RORA: variants seen among roughly 807,000 people sequenced by gnomAD.
The protein encoded by RORA is nuclear receptor ROR-alpha.
In RORA, 7 loss-of-function variants were observed where a neutral mutation model predicts 69.5. That is an observed-to-expected ratio of 0.10 (90% CI 0.06 to 0.19). The LOEUF is 0.19. Ranked by LOEUF, RORA falls within the 10% of genes least tolerant of loss-of-function variation. RORA has a pLI of 1.00. For missense variants in RORA, 457 were observed against 663.0 expected (o/e 0.69, Z 3.41); for synonymous variants, 261 against 240.8 (o/e 1.08, Z -0.78).
chr15:60,667,695 C>T (rs902446698), intron 2 of RORA, among the ~76,000 whole-genome samples: 4 of 152,128 alleles, frequency 2.6e-5, no homozygotes, highest in Admixed American at 6.5e-5. Flanking sequence ...TCATAGCTTG[C>T]GGCAGCTTTA....
At chr15:61,090,638 A>G (rs534356839) in intron 1 of RORA, among the ~76,000 whole-genome samples, 2 of 152,346 alleles carry the variant, frequency 1.3e-5, no homozygotes, top group Admixed American at 1.3e-4. Flanking sequence ...TTAAATCTCT[A>G]GCCCAGGGAG....
chr15:60,938,475 A>G (rs923796059), intron 1 of RORA, among the ~76,000 whole-genome samples: 2 of 152,242 alleles, frequency 1.3e-5, no homozygotes, highest in Non-Finnish European at 2.9e-5. Context: ...GATCTAGCTT[A>G]GAGGTCGTGT....
chr15:60,869,915 C>T (rs1445609405), intron 1 of RORA, among the ~76,000 whole-genome samples: 1 of 152,158 alleles, frequency 6.6e-6, no homozygotes, highest in Admixed American at 6.5e-5. Context: ...GACTAGGATA[C>T]ATTGCACCAC....
At chr15:60,859,655 CT>C (rs71122880) in intron 1 of RORA, among the ~76,000 whole-genome samples, 147 of 101,586 alleles carry the variant, frequency 1.4e-3, no homozygotes, top group East Asian at 9.4e-3. Context: ...TTCTTTCTTT[CT>C]TTTTTTTTTT....
intron 1 of RORA, among the ~76,000 whole-genome samples, chr15:60,691,876 A>G (rs1222834031): frequency 6.6e-6 from 1 of 152,206 alleles, no homozygotes; most frequent in Non-Finnish European, 1.5e-5. Flanking sequence ...CCAACTTGTA[A>G]AACTAATCTC....
At chr15:60,579,367 G>A (rs2068126047) in intron 2 of RORA, among the ~76,000 whole-genome samples, 1 of 151,918 alleles carries the variant, frequency 6.6e-6, no homozygotes, top group African/African-American at 2.4e-5. Context: ...AAATCCAAAC[G>A]CTCTCTAATC....
chr15:60,546,554 C>T (rs952147819), intron 2 of RORA: 1 of 151,998 alleles, frequency 6.6e-6, no homozygotes, highest in African/African-American at 2.4e-5. Flanking sequence ...GCTCATAAAC[C>T]TTAAAAAAAT....
intron 1 of RORA, among the ~76,000 whole-genome samples, chr15:60,995,606 T>C (rs1894509278): frequency 6.6e-6 from 1 of 152,212 alleles, no homozygotes; most frequent in South Asian, 2.1e-4. Context: ...TGAGCACAGA[T>C]CTGATAGCCC....
intron 2 of RORA, among the ~76,000 whole-genome samples, chr15:60,616,918 A>C (rs191029893): frequency 9.8e-5 from 15 of 152,340 alleles, no homozygotes; most frequent in Non-Finnish European, 1.5e-4. Flanking sequence ...GTTCTCAGAG[A>C]AAATACATTG....
chr15:60,515,964 TATATATA>T, intron 3 of RORA, among the ~76,000 whole-genome samples: 1 of 30,764 alleles, frequency 3.3e-5, no homozygotes, highest in African/African-American at 1.4e-4. Flanking sequence ...TATTTATATT[TATATATA>T]TTTATATATT....
intron 2 of RORA, among the ~76,000 whole-genome samples, chr15:60,644,384 G>A (rs781607652): frequency 6.6e-5 from 10 of 152,170 alleles, no homozygotes; most frequent in East Asian, 1.9e-4. Context: ...ATTGAAAGTC[G>A]TCTCCTGTTT....
chr15:61,054,364 A>G (rs971012356), intron 1 of RORA, among the ~76,000 whole-genome samples: 1 of 152,128 alleles, frequency 6.6e-6, no homozygotes. Flanking sequence ...ATTAATCTTC[A>G]TTAGTTAGCA....
chr15:60,758,189 A>ATGCC (rs778030194), intron 1 of RORA, among the ~76,000 whole-genome samples: 30 of 152,218 alleles, frequency 2.0e-4, no homozygotes, highest in South Asian at 4.2e-4. Context: ...ATCCAGCACA[A>ATGCC]TGCCTGGCAC....
chr15:60,628,903 G>C (rs1314993564), intron 2 of RORA, among the ~76,000 whole-genome samples: 1 of 152,188 alleles, frequency 6.6e-6, no homozygotes, highest in Non-Finnish European at 1.5e-5. Flanking sequence ...TGTGAAAGAG[G>C]TGTCTGGAAA....
chr15:61,155,379 A>G (rs558806650), intron 1 of RORA, among the ~76,000 whole-genome samples: 104 of 152,360 alleles, frequency 6.8e-4, no homozygotes, highest in South Asian at 1.9e-3. Context: ...TAGAAGAAAT[A>G]CATCTTCAGG....
At chr15:60,825,369 T>C (rs1441428168) in intron 1 of RORA, among the ~76,000 whole-genome samples, 1 of 152,230 alleles carries the variant, frequency 6.6e-6, no homozygotes, top group Non-Finnish European at 1.5e-5. Flanking sequence ...GATGTAGTGA[T>C]TCTGTGGAAG....
chr15:60,791,148 T>C (rs2072411283), intron 1 of RORA, among the ~76,000 whole-genome samples: 1 of 152,192 alleles, frequency 6.6e-6, no homozygotes, highest in African/African-American at 2.4e-5. Flanking sequence ...GCTGATGTCA[T>C]GGGCTCTGAG....
intron 1 of RORA, among the ~76,000 whole-genome samples, chr15:61,101,711 G>A (rs1408483936): frequency 6.6e-6 from 1 of 152,016 alleles, no homozygotes; most frequent in East Asian, 1.9e-4. Flanking sequence ...GACAGAACCA[G>A]ATGTGCATTT....
intron 1 of RORA, among the ~76,000 whole-genome samples, chr15:61,167,670 C>T (rs927058369): frequency 6.6e-6 from 1 of 152,136 alleles, no homozygotes; most frequent in African/African-American, 2.4e-5. Context: ...ATGTTGAAAA[C>T]CAACCTTTCA....
Sources: gnomAD v4.1 joint callset for allele counts (sites outside exome capture counted in the v4.1 genomes callset) on GRCh38, gnomAD v4.1.1 for gene constraint, MANE v1.5 for transcripts, NCBI Gene and HGNC (gene_info 2026-07-23, HGNC 2026-07-21) for gene names.